OSBPL1A: variants seen among roughly 807,000 people sequenced by gnomAD.
OSBPL1A encodes the protein oxysterol-binding protein-related protein 1.
A neutral mutation model predicts 137.1 loss-of-function variants in OSBPL1A; 80 were observed. The observed-to-expected ratio is 0.58, with a 90% CI of 0.49 to 0.70. The LOEUF (loss-of-function observed/expected upper bound fraction) is 0.70, where lower values mean the gene tolerates loss of function less well. OSBPL1A is among the 30% of genes least tolerant of loss of function. OSBPL1A has a pLI of 0.00. For synonymous variants in OSBPL1A, 365 were observed against 389.7 expected (o/e 0.94, Z 0.75); for missense variants, 970 against 1,129.4 (o/e 0.86, Z 2.02).
chr18:24,390,694 C>CAAAAAAAAAAAAAAAAAAAA (rs751432894), intron 1 of OSBPL1A, among the ~76,000 whole-genome samples: 1 of 56,200 alleles, frequency 1.8e-5, no homozygotes, highest in African/African-American at 7.1e-5. Context: ...GACTCCGTCT[C>CAAAAAAAAAAAAAAAAAAAA]AAAAAAAAAA....
intron 12 of OSBPL1A, among the ~76,000 whole-genome samples, chr18:24,313,169 G>T (rs923162105): frequency 6.6e-6 from 1 of 151,706 alleles, no homozygotes; most frequent in African/African-American, 2.4e-5. Flanking sequence ...AGGGCCGGGC[G>T]CGGTGGCTCA....
intron 15 of OSBPL1A, among the ~76,000 whole-genome samples, chr18:24,264,498 T>C (rs1309425722): frequency 6.6e-6 from 1 of 152,210 alleles, no homozygotes; most frequent in Admixed American, 6.5e-5. Flanking sequence ...TATAGCATTC[T>C]GACAGGCCAG....
intron 7 of OSBPL1A, among the ~76,000 whole-genome samples, chr18:24,330,703 C>T (rs1020567039): frequency 2.0e-5 from 3 of 151,986 alleles, no homozygotes; most frequent in African/African-American, 7.2e-5. Context: ...GGATTACAGG[C>T]GTGAGCCACA....
At position 24,339,373 on chromosome 18, in the gene OSBPL1A, A is replaced by T. The variant is rs371741076; in HGVS notation, c.394+2174T>A. 2.6e-5 allele frequency among the ~76,000 whole-genome samples: 4 copies of T among 152,310 alleles called. No homozygotes were observed. The South Asian group carries it at 8.3e-4, about 32-fold the overall frequency. On this transcript the variant is annotated intron_variant, in intron 5 of 27. Transcript: ENST00000319481. ...TTGCCAATGATCCATTTAACACTCT[A>T]TCCACAAATGTTATTATATGTGGGT...
chr18:24,337,678 G>A (rs1290048865), intron 5 of OSBPL1A, among the ~76,000 whole-genome samples: 2 of 151,652 alleles, frequency 1.3e-5, no homozygotes. Flanking sequence ...TGGGATTCTG[G>A]ATTAGATCCT....
chr18:24,309,901 G>T (rs768279321), intron 13 of OSBPL1A, among the ~76,000 whole-genome samples: 8 of 151,932 alleles, frequency 5.3e-5, no homozygotes, highest in Non-Finnish European at 1.2e-4. Flanking sequence ...ACAAAAATTA[G>T]CTGGGCATGG....
At chr18:24,249,905 G>A (rs752509078) in intron 15 of OSBPL1A, among the ~76,000 whole-genome samples, 15 of 152,128 alleles carry the variant, frequency 9.9e-5, no homozygotes, top group Non-Finnish European at 1.5e-4. Flanking sequence ...GGTGGCACCT[G>A]ACCTAGGAAG....
At chr18:24,298,809 A>G (rs1055713937) in intron 14 of OSBPL1A, among the ~76,000 whole-genome samples, 36 of 152,172 alleles carry the variant, frequency 2.4e-4, no homozygotes, top group Non-Finnish European at 2.9e-4. Context: ...TGATCTGCCT[A>G]GTGCTGTCAG....
intron 4 of OSBPL1A, among the ~76,000 whole-genome samples, chr18:24,346,313 T>C (rs954851821): frequency 6.6e-6 from 1 of 152,192 alleles, no homozygotes; most frequent in Non-Finnish European, 1.5e-5. Flanking sequence ...AACAGCTTTA[T>C]TGAGGTGTAA....
chr18:24,355,241 C>T lies in OSBPL1A; in HGVS notation c.282+11651G>A, dbSNP rs181109483. 2.9e-3 allele frequency among the ~76,000 whole-genome samples: 436 copies of T among 151,946 alleles called. 3 individuals are homozygous for T. The highest frequency in any genetic ancestry group is 9.6e-3 in the African/African-American group (398 of 41,420). The stretch of plus-strand genomic sequence containing the variant: ...TAGCATGCCCACTTATTAAGGCTCA[C>T]GCCTGTAACCCCAGCACTTTGGGAG... On this transcript the variant is annotated intron_variant, in intron 4 of 27. Coordinates refer to ENST00000319481, the MANE Select transcript of OSBPL1A (RefSeq NM_080597.4).
chr18:24,334,697 TGATA>T (rs1392037970), intron 5 of OSBPL1A, among the ~76,000 whole-genome samples: 1 of 152,200 alleles, frequency 6.6e-6, no homozygotes, highest in Non-Finnish European at 1.5e-5. Flanking sequence ...GAAATAGCAC[TGATA>T]GAAAGATGTA....
intron 15 of OSBPL1A, among the ~76,000 whole-genome samples, chr18:24,276,762 A>G (rs2089854300): frequency 6.6e-6 from 1 of 152,124 alleles, no homozygotes; most frequent in Non-Finnish European, 1.5e-5. Flanking sequence ...AGTTTTATTT[A>G]CAAATAAAAT....
chr18:24,283,636 C>T (rs2090009805), intron 14 of OSBPL1A, among the ~76,000 whole-genome samples: 1 of 151,888 alleles, frequency 6.6e-6, no homozygotes, highest in African/African-American at 2.4e-5. Flanking sequence ...AACTGTGGAC[C>T]GAGGACTGAG....
chr18:24,184,945 C>T (rs2086704518), intron 18 of OSBPL1A, among the ~76,000 whole-genome samples: 1 of 152,174 alleles, frequency 6.6e-6, no homozygotes, highest in Non-Finnish European at 1.5e-5. Context: ...GCGGTTAACA[C>T]AGCTAAATGC....
chr18:24,203,085 C>T (rs2087265393), intron 17 of OSBPL1A, among the ~76,000 whole-genome samples: 1 of 152,222 alleles, frequency 6.6e-6, no homozygotes, highest in Non-Finnish European at 1.5e-5. Context: ...TCAAGCGATT[C>T]TCCTGCTTCA....
intron 15 of OSBPL1A, among the ~76,000 whole-genome samples, chr18:24,268,445 A>G (rs569123886): frequency 7.0e-4 from 106 of 152,262 alleles, no homozygotes; most frequent in Non-Finnish European, 1.1e-3. Context: ...AAAACTTCCA[A>G]AATCAAAGAT....
At chr18:24,322,937 T>C (rs2090892603) in intron 7 of OSBPL1A, among the ~76,000 whole-genome samples, 1 of 152,188 alleles carries the variant, frequency 6.6e-6, no homozygotes, top group Non-Finnish European at 1.5e-5. Context: ...AAAACAGGAA[T>C]GATGTAATAT....
intron 21 of OSBPL1A, among the ~76,000 whole-genome samples, chr18:24,175,040 AG>A (rs1344971290): frequency 6.8e-6 from 1 of 146,422 alleles, no homozygotes; most frequent in Non-Finnish European, 1.5e-5. Context: ...CAGCCTCCTA[AG>A]TAACTGGAAT....
Position 24,332,268 on chromosome 18 carries a change from T to G in OSBPL1A, c.625+674A>C, listed in dbSNP as rs2091092599. On this transcript the variant is annotated intron_variant, in intron 7 of 27. Coordinates refer to ENST00000319481, the MANE Select transcript of OSBPL1A (RefSeq NM_080597.4). ...TACACTACAGGTGCATGCCTGCAGT[T>G]CCAGCTACTTGGGAGGCTGAGGCAG... 5.3e-5 allele frequency among the ~76,000 whole-genome samples: 8 copies of G among 151,346 alleles called. No homozygotes were observed. The South Asian group carries it at 1.7e-3, about 32-fold the overall frequency.
Sources: gnomAD v4.1 joint callset for allele counts (sites outside exome capture counted in the v4.1 genomes callset) on GRCh38, gnomAD v4.1.1 for gene constraint, MANE v1.5 for transcripts, NCBI Gene and HGNC (gene_info 2026-07-23, HGNC 2026-07-21) for gene names.